IFNAR2: variants seen among roughly 807,000 people sequenced by gnomAD.
IFNAR2 encodes interferon alpha and beta receptor subunit 2, also known as interferon alpha/beta receptor 2.
IFNAR2 carries 30 observed loss-of-function variants against 49.4 expected under a neutral mutation model. The observed-to-expected ratio is 0.61, with a 90% CI of 0.45 to 0.82. IFNAR2 has a LOEUF of 0.82. Ranked by LOEUF, IFNAR2 falls within the 40% of genes least tolerant of loss-of-function variation. The pLI is 0.00. For missense variants in IFNAR2, 600 were observed against 622.7 expected (o/e 0.96, Z 0.39); for synonymous variants, 224 against 234.5 (o/e 0.96, Z 0.41).
At chr21:33,241,122 T>C (rs1340388983) in intron 1 of IFNAR2, among the ~76,000 whole-genome samples, 1 of 152,220 alleles carries the variant, frequency 6.6e-6, no homozygotes, top group Non-Finnish European at 1.5e-5. Context: ...ATGGATACAC[T>C]AAAAGCCCAA....
At position 33,244,939 on chromosome 21, in the gene IFNAR2, T is replaced by C; in HGVS notation, c.98-12T>C. Reference sequence around the variant, plus strand: ...TTCCAAATTTCAATGCCCTTTTTCTTCTTCTCTTTAGATTACACAGATGAA... The same window carrying C: ...TTCCAAATTTCAATGCCCTTTTTCTCCTTCTCTTTAGATTACACAGATGAA... On this transcript the variant is annotated splice_polypyrimidine_tract_variant and intron_variant, in intron 3 of 8. Transcript: ENST00000342136. 6.2e-7 allele frequency: 1 copy of C among 1,613,364 alleles called. No homozygotes were observed. Among genetic ancestry groups the C allele is most frequent in the Non-Finnish European group, 8.5e-7 (1 of 1,179,448 alleles).
At chr21:33,243,587 G>A in intron 2 of IFNAR2, 86 bp from the exon 3 acceptor site, 3 of 1,203,804 alleles carry the variant, frequency 2.5e-6, no homozygotes, top group Non-Finnish European at 1.2e-6. Flanking sequence ...ATAAATGTGT[G>A]TTAAAGAATG....
At chr21:33,258,812 G>A (rs1257479654) in intron 7 of IFNAR2, among the ~76,000 whole-genome samples, 8 of 152,142 alleles carry the variant, frequency 5.3e-5, no homozygotes, top group African/African-American at 4.8e-5. Flanking sequence ...CTTAGAAGCC[G>A]TTGCAAGAGA....
At chr21:33,256,864 T>G (rs1568893000) in intron 7 of IFNAR2, among the ~76,000 whole-genome samples, 1 of 152,044 alleles carries the variant, frequency 6.6e-6, no homozygotes, top group Non-Finnish European at 1.5e-5. Context: ...GTAAGTACCA[T>G]GGAAAAAAAT....
Position 33,234,719 on chromosome 21 carries a change from G to A in IFNAR2, c.-84+4503G>A, listed in dbSNP as rs866373024. The A allele has an allele frequency of 6.1e-6, 6 of 984,628 alleles. No individual in the cohort carries two copies. The African/African-American group carries it at 1.0e-4, about 17-fold the overall frequency. 61.0% of individuals were successfully genotyped at this position (984,628 alleles called of 1,614,324 possible). A position where few individuals can be genotyped will look rare whatever the true frequency, so the allele number is the denominator to read the frequency against. On this transcript the variant is annotated intron_variant, in intron 1 of 8. Transcript: ENST00000342136. ...CAGGTAGAGCTCTTCTTTCAGAATG[G>A]AGAAGGCCACAGTGTCACAGGGTGA...
At chr21:33,233,884 T>C (rs771776464) in intron 1 of IFNAR2, among the ~76,000 whole-genome samples, 1 of 151,890 alleles carries the variant, frequency 6.6e-6, no homozygotes, top group East Asian at 1.9e-4. Context: ...GCGATTGTTA[T>C]TAATCTAGAC....
chr21:33,232,426 T>G (rs1416943108), intron 1 of IFNAR2, among the ~76,000 whole-genome samples: 1 of 152,172 alleles, frequency 6.6e-6, no homozygotes, highest in Admixed American at 6.5e-5. Context: ...TCAGAGCCAC[T>G]GAAAATTTTC....
At position 33,263,152 on chromosome 21, in the gene IFNAR2, T is replaced by C. The variant is rs759122271; in HGVS notation, c.1200T>C (p.Ser400=). The C allele has an allele frequency of 2.5e-6, 4 of 1,613,708 alleles. No homozygotes were observed. Among genetic ancestry groups the C allele is most frequent in the Non-Finnish European group, 3.4e-6 (4 of 1,179,930 alleles). ...GTGGGCCCTGTGAGAGGAGAAAGAG[T>C]CCACTCCAGGACCCTTTTCCCGAAG... The part of the protein sequence containing the change: ...LLSGPCERRK[S]PLQDPFPEED... Residue 400 remains serine (S), a synonymous_variant, in exon 9 of 9, where the codon AGT becomes AGC. Transcript: ENST00000342136.
intron 1 of IFNAR2, chr21:33,236,964 A>G (rs1479491490): frequency 1.3e-6 from 1 of 744,240 alleles, no homozygotes. Context: ...AAGATGGGAT[A>G]TTATATTTTC....
intron 7 of IFNAR2, among the ~76,000 whole-genome samples, chr21:33,260,203 C>T (rs1988469704): frequency 6.6e-6 from 1 of 152,206 alleles, no homozygotes; most frequent in Non-Finnish European, 1.5e-5. Flanking sequence ...AACTTTCCTT[C>T]CCCACTTCTT....
intron 4 of IFNAR2, 49 bp from the exon 5 acceptor site, chr21:33,246,669 A>G (rs1489858925): frequency 4.0e-6 from 6 of 1,491,616 alleles, no homozygotes; most frequent in South Asian, 3.6e-5. Context: ...ATAGACTCTC[A>G]TTACATCAAT....
rs1209549775 is a variant in IFNAR2, at chr21:33,230,098, T to G, written c.-202T>G. The G allele has an allele frequency of 1.0e-6, 1 of 987,838 alleles. No individual in the cohort carries two copies. The highest frequency in any genetic ancestry group is 1.2e-6 in the Non-Finnish European group (1 of 831,082). 61.2% of individuals were successfully genotyped at this position (987,838 alleles called of 1,614,324 possible). A position where few individuals can be genotyped will look rare whatever the true frequency, so the allele number is the denominator to read the frequency against. On this transcript the variant is annotated 5_prime_UTR_variant, in exon 1 of 9. Coordinates refer to ENST00000342136, the MANE Select transcript of IFNAR2 (RefSeq NM_001289125.3). The surrounding 1 kb of genome is among the most constrained non-coding windows in gnomAD (Gnocchi z 5.5). ...CCGCTTTTGTCCCCCGCCCGCCGCT[T>G]CTGTCCGAGAGGCCGCCCGCGAGGC...
chr21:33,231,075 G>C (rs1042546228), intron 1 of IFNAR2, among the ~76,000 whole-genome samples: 1 of 152,152 alleles, frequency 6.6e-6, no homozygotes, highest in East Asian at 1.9e-4. Flanking sequence ...CTTGGGCGTT[G>C]ATTCAGTGGT....
At chr21:33,239,969 T>G (rs979092231) in intron 1 of IFNAR2, among the ~76,000 whole-genome samples, 7 of 112,204 alleles carry the variant, frequency 6.2e-5, no homozygotes, top group African/African-American at 2.5e-4. Context: ...CCCTCAATGT[T>G]GTGAGCTACA....
intron 1 of IFNAR2, chr21:33,237,016 G>A: frequency 2.5e-6 from 1 of 394,946 alleles, no homozygotes; most frequent in Non-Finnish European, 3.4e-6. Flanking sequence ...GGTTCCAAGT[G>A]AAGTATAAGT....
chr21:33,251,612 T>A (rs1397530764), intron 6 of IFNAR2: 1 of 985,272 alleles, frequency 1.0e-6, no homozygotes, highest in African/African-American at 1.7e-5. Flanking sequence ...CAGAAAAACA[T>A]CATTACTGAA....
intron 1 of IFNAR2, among the ~76,000 whole-genome samples, chr21:33,237,078 G>GGTGTGTGTGTGTGTGTGT (rs34322078): frequency 2.0e-4 from 29 of 147,590 alleles, no homozygotes; most frequent in African/African-American, 3.0e-4. Context: ...GGGAGAATGG[G>GGTGTGTGTGTGTGTGTGT]GTGTGTGTGT....
rs959243541 is a variant in IFNAR2, at chr21:33,230,324, G to A, written c.-84+108G>A. On this transcript the variant is annotated intron_variant, in intron 1 of 8. Coordinates refer to ENST00000342136, the MANE Select transcript of IFNAR2 (RefSeq NM_001289125.3). This position sits in a 1 kb window ranked among gnomAD's most constrained non-coding sequence, Gnocchi z 5.5. ...CCGGAATCCCCTCCGGTTCCCTCTC[G>A]CTCTCCCCGACTCCTCCTCCTCCTC... 1 of 941,108 alleles carries A rather than the reference G, an allele frequency of 1.1e-6. No individual in the cohort carries two copies. The highest frequency in any genetic ancestry group is 1.4e-6 in the Non-Finnish European group (1 of 734,722). The allele number at this position is 941,108 out of a possible 1,614,324, so 58.3% of individuals were successfully genotyped here. A position where few individuals can be genotyped will look rare whatever the true frequency, so the allele number is the denominator to read the frequency against.
Position 33,252,890 on chromosome 21 carries a change from C to T in IFNAR2, c.709+60C>T, listed in dbSNP as rs756188778. Reference sequence around the variant, plus strand: ...TTCATGCTTTTACTCTGAGGGCAAGCCTATTTAAAGAAAAGAATCTGAAAA... The same window carrying T: ...TTCATGCTTTTACTCTGAGGGCAAGTCTATTTAAAGAAAAGAATCTGAAAA... On this transcript the variant is annotated intron_variant, in intron 7 of 8. Transcript: ENST00000342136. The T allele has an allele frequency of 5.3e-6, 7 of 1,311,058 alleles. No individual in the cohort carries two copies. In the Admixed American group the frequency reaches 1.2e-4, roughly 22 times the overall value. The allele number at this position is 1,311,058 out of a possible 1,614,324, so 81.2% of individuals were successfully genotyped here.
Sources: allele counts gnomAD v4.1 joint callset (sites outside exome capture counted in the v4.1 genomes callset), GRCh38; gene constraint gnomAD v4.1.1; non-coding constraint Gnocchi (gnomAD v3.1); transcripts MANE v1.5; gene names NCBI Gene and HGNC (gene_info 2026-07-23, HGNC 2026-07-21).